The following ADAMTS18 variants were observed in gnomAD, a reference collection of about 807,000 sequenced individuals.
The protein encoded by ADAMTS18 is A disintegrin and metalloproteinase with thrombospondin motifs 18.
A neutral mutation model predicts 165.9 loss-of-function variants in ADAMTS18; 157 were observed. The observed-to-expected ratio is 0.95, with a 90% CI of 0.83 to 1.08. The LOEUF (loss-of-function observed/expected upper bound fraction) is 1.08, where lower values mean the gene tolerates loss of function less well. Among genes scored for constraint, ADAMTS18 ranks in the 50% least tolerant of loss-of-function variants. The pLI is 0.00. For missense variants in ADAMTS18, 2,040 were observed against 1,534.0 expected, an observed-to-expected ratio of 1.33 and a Z score of -5.51; for synonymous variants, 782 against 578.2, an observed-to-expected ratio of 1.35 and a Z score of -5.06.
At chr16:77,304,407 G>A (rs1040353237) in intron 16 of ADAMTS18, among the ~76,000 whole-genome samples, 2 of 152,190 alleles carry the variant, frequency 1.3e-5, no homozygotes, top group Admixed American at 1.3e-4. Flanking sequence ...GCTGCAGTGA[G>A]CTATAGTCAC....
intron 3 of ADAMTS18, among the ~76,000 whole-genome samples, chr16:77,378,680 A>G (rs373568174): frequency 6.6e-6 from 1 of 152,120 alleles, no homozygotes; most frequent in Non-Finnish European, 1.5e-5. Flanking sequence ...ACACCACTGC[A>G]CTCCAACCTG....
At chr16:77,433,662 C>A (rs1296911011) in intron 2 of ADAMTS18, among the ~76,000 whole-genome samples, 1 of 152,180 alleles carries the variant, frequency 6.6e-6, no homozygotes, top group Non-Finnish European at 1.5e-5. Context: ...GATAACCTTG[C>A]AAAACTAAAA....
At chr16:77,325,751 G>T in intron 13 of ADAMTS18, 115 bp downstream of exon 13, 1 of 1,072,474 alleles carries the variant, frequency 9.3e-7, no homozygotes. Context: ...ATGGGTCTGG[G>T]GAGTGAAAGG....
At chr16:77,406,931 A>T (rs1303698240) in intron 3 of ADAMTS18, among the ~76,000 whole-genome samples, 1 of 152,012 alleles carries the variant, frequency 6.6e-6, no homozygotes, top group East Asian at 1.9e-4. Context: ...GACACTGGGG[A>T]TTACTAGAAG....
At chr16:77,286,235 T>G (rs1597074550) in intron 22 of ADAMTS18, among the ~76,000 whole-genome samples, 1 of 152,182 alleles carries the variant, frequency 6.6e-6, no homozygotes, top group East Asian at 1.9e-4. Flanking sequence ...AGGTCTCTGT[T>G]TAAGTGCTAA....
At chr16:77,325,143 T>C (rs926036311) in intron 13 of ADAMTS18, among the ~76,000 whole-genome samples, 28 of 152,212 alleles carry the variant, frequency 1.8e-4, no homozygotes, top group Non-Finnish European at 3.5e-4. Context: ...ATTCTACACA[T>C]GGGCAGTTGG....
intron 10 of ADAMTS18, among the ~76,000 whole-genome samples, chr16:77,348,839 A>G (rs1443139160): frequency 6.6e-6 from 1 of 152,214 alleles, no homozygotes; most frequent in Non-Finnish European, 1.5e-5. Context: ...TCCCTGAGGA[A>G]ATAAGGAGGT....
chr16:77,321,858 C>G (rs1027174734), intron 14 of ADAMTS18, among the ~76,000 whole-genome samples: 1 of 152,014 alleles, frequency 6.6e-6, no homozygotes, highest in Admixed American at 6.6e-5. Context: ...AAATGAGGAA[C>G]GTAGATATGG....
intron 3 of ADAMTS18, among the ~76,000 whole-genome samples, chr16:77,421,051 C>A (rs2057595821): frequency 6.6e-6 from 1 of 152,170 alleles, no homozygotes; most frequent in Admixed American, 6.5e-5. Context: ...GTGCACATAG[C>A]TGACTTGTAG....
Position 77,431,380 on chromosome 16 carries a change from T to C in ADAMTS18, c.410A>G (p.Lys137Arg), listed in dbSNP as rs2057737658. The C allele has an allele frequency of 6.2e-7, 1 of 1,614,146 alleles. No individual in the cohort carries two copies. Among genetic ancestry groups the C allele is most frequent in the Non-Finnish European group, 8.5e-7 (1 of 1,180,034 alleles). Residue 137 changes from lysine (K) to arginine (R), a missense_variant, in exon 3 of 23, where the codon AAA becomes AGA. By Grantham distance (26) the Lys-to-Arg change is conservative. Transcript: ENST00000282849. ...ATAGAAGCATTGCTGCACCTCGGGT[T>C]TCTGAGTCTCTGAAGCACCATCTTT... ...LGKDGASETQ[K>R]PEVQQCFYQG...
At chr16:77,401,376 A>T (rs920487562) in intron 3 of ADAMTS18, among the ~76,000 whole-genome samples, 1 of 152,250 alleles carries the variant, frequency 6.6e-6, no homozygotes, top group East Asian at 1.9e-4. Context: ...CCATTTTCAG[A>T]CCTTTACTGA....
At chr16:77,324,749 C>T (rs1231689157) in intron 13 of ADAMTS18, among the ~76,000 whole-genome samples, 3 of 152,196 alleles carry the variant, frequency 2.0e-5, no homozygotes, top group Non-Finnish European at 4.4e-5. Flanking sequence ...ATTCTGTTAT[C>T]TAAAGCAATT....
At chr16:77,300,498 A>C in intron 16 of ADAMTS18, 94 bp from the exon 17 acceptor site, 1 of 1,436,764 alleles carries the variant, frequency 7.0e-7, no homozygotes, top group Non-Finnish European at 9.8e-7. Flanking sequence ...TATTTACATG[A>C]CATTTTGACC....
At position 77,288,096 on chromosome 16, in the gene ADAMTS18, G is replaced by A. The variant is rs115897344; in HGVS notation, c.3550+1168C>T. The stretch of plus-strand genomic sequence containing the variant: ...TTAAGACTTATTGAGTACCTGTTGC[G>A]TGCCCATTGTGGTATTAGGTGCTGG... On this transcript the variant is annotated intron_variant, in intron 22 of 22. Coordinates refer to ENST00000282849, the MANE Select transcript of ADAMTS18 (RefSeq NM_199355.4). Among the ~76,000 whole-genome samples the A allele has an allele frequency of 6.0e-3, 908 of 152,180 alleles. 12 individuals carry two copies. The highest frequency in any genetic ancestry group is 0.021 in the African/African-American group (881 of 41,528).
chr16:77,318,670 C>A (rs1003407652), intron 16 of ADAMTS18, among the ~76,000 whole-genome samples: 1 of 152,170 alleles, frequency 6.6e-6, no homozygotes, highest in Non-Finnish European at 1.5e-5. Context: ...TTACATAGAT[C>A]TCATACTCCT....
In ADAMTS18 at chr16:77,326,674, C is replaced by T. The variant is rs79487532; in HGVS notation, c.1860-636G>A. Among the ~76,000 whole-genome samples, 27 of 152,338 alleles carry T rather than the reference C, an allele frequency of 1.8e-4. No homozygotes were observed. In the East Asian group the frequency reaches 3.9e-3, roughly 22 times the overall value. On this transcript the variant is annotated intron_variant, in intron 12 of 22. Transcript: ENST00000282849. Reference sequence around the variant, plus strand: ...TGGGGATTACAGGTGTGAACCAATGCACCCAGCCTGAAAGGATATTCTTTT... The same window carrying T: ...TGGGGATTACAGGTGTGAACCAATGTACCCAGCCTGAAAGGATATTCTTTT...
rs1033718590 is a variant in ADAMTS18 at position 77,434,785 on chromosome 16, C to T, written c.-90G>A. On this transcript the variant is annotated 5_prime_UTR_variant, in exon 1 of 23. Transcript: ENST00000282849. ...GCATTCTTTCCGCGGCCCCGGAGCT[C>T]GGCGCCCCAGGTGCGGCTCCAGGTG... is the stretch of plus-strand genomic sequence containing the variant. The T allele has an allele frequency of 1.7e-6, 2 of 1,155,096 alleles. No homozygotes were observed. Among genetic ancestry groups the T allele is most frequent in the African/African-American group, 1.6e-5 (1 of 61,290 alleles). The allele number at this position is 1,155,096 out of a possible 1,614,324, so 71.6% of individuals were successfully genotyped here. A position where few individuals can be genotyped will look rare whatever the true frequency, so the allele number is the denominator to read the frequency against.
intron 3 of ADAMTS18, among the ~76,000 whole-genome samples, chr16:77,413,947 T>C (rs1352167592): frequency 6.6e-6 from 1 of 152,198 alleles, no homozygotes; most frequent in Admixed American, 6.5e-5. Context: ...TAATTTAGTC[T>C]CTATTTTAAA....
intron 12 of ADAMTS18, among the ~76,000 whole-genome samples, chr16:77,331,950 T>A (rs1431893942): frequency 6.6e-6 from 1 of 152,236 alleles, no homozygotes; most frequent in African/African-American, 2.4e-5. Context: ...TTCATCTTTT[T>A]TAAAATGTCC....
Sources: gnomAD v4.1 joint callset for allele counts (sites outside exome capture counted in the v4.1 genomes callset) on GRCh38, gnomAD v4.1.1 for gene constraint, MANE v1.5 for transcripts, NCBI Gene and HGNC (gene_info 2026-07-23, HGNC 2026-07-21) for gene names.